Variants in HNRNPUL1 observed in about 807,000 individuals in gnomAD.
The protein encoded by HNRNPUL1 is heterogeneous nuclear ribonucleoprotein U like 1.
A neutral mutation model predicts 108.5 loss-of-function variants in HNRNPUL1; 14 were observed. That is an observed-to-expected ratio of 0.13 (90% CI 0.09 to 0.20). HNRNPUL1 has a LOEUF of 0.20. Among genes scored for constraint, HNRNPUL1 ranks in the 10% least tolerant of loss-of-function variants. The pLI is 1.00. For missense variants in HNRNPUL1, 804 were observed against 1,168.3 expected (o/e 0.69, Z 4.55); for synonymous variants, 422 against 445.2 (o/e 0.95, Z 0.66).
Position 41,272,291 on chromosome 19 carries a change from C to G in HNRNPUL1, c.572+56C>G, listed in dbSNP as rs536043120. ...TCTGGTAGGTTTCTATATCCATAGC[C>G]TCGTGCTTGCTGGGGACATTTGCAC... On this transcript the variant is annotated intron_variant, in intron 3 of 14. Coordinates refer to ENST00000392006, the MANE Select transcript of HNRNPUL1 (RefSeq NM_007040.6). 5.5e-5 allele frequency: 85 copies of G among 1,551,870 alleles called. 1 individual carries two copies. The African/African-American group carries it at 1.1e-3, about 21-fold the overall frequency.
intron 7 of HNRNPUL1, among the ~76,000 whole-genome samples, chr19:41,282,895 C>G (rs1188613293): frequency 1.3e-5 from 2 of 151,166 alleles, no homozygotes; most frequent in Non-Finnish European, 3.0e-5. Flanking sequence ...GGGGTTTCAC[C>G]GTTTTAGCCG....
chr19:41,306,386 G>A lies in HNRNPUL1; in HGVS notation c.2455-63G>A, dbSNP rs1599865305. ...CTCTGCCCTAGGTGAGGGTGGGGCT[G>A]GTGGGGAGGCTAAATGTGTGGTGGA... On this transcript the variant is annotated intron_variant, in intron 14 of 14. Coordinates refer to ENST00000392006, the MANE Select transcript of HNRNPUL1 (RefSeq NM_007040.6). 6.3e-6 allele frequency: 7 copies of A among 1,108,820 alleles called. No homozygotes were observed. The East Asian group carries it at 1.4e-4, about 22-fold the overall frequency. 68.7% of individuals were successfully genotyped at this position (1,108,820 alleles called of 1,614,324 possible).
chr19:41,298,826 A>T (rs1425241712), intron 10 of HNRNPUL1: 3 of 152,026 alleles, frequency 2.0e-5, no homozygotes, highest in Non-Finnish European at 4.4e-5. Context: ...CTGTCCCCTC[A>T]TCAGGACATT....
chr19:41,292,593 C>T lies in HNRNPUL1; in HGVS notation c.1266+82C>T. ...ACACACACACACACACACAGACTTG[C>T]TGCGAGAGTAGCCTTGGGGCAAGTG... On this transcript the variant is annotated intron_variant, in intron 8 of 14. Coordinates refer to ENST00000392006, the MANE Select transcript of HNRNPUL1 (RefSeq NM_007040.6). The surrounding 1 kb of genome is among the most constrained non-coding windows in gnomAD (Gnocchi z 4.1). The T allele has an allele frequency of 6.6e-7, 1 of 1,517,822 alleles. No individual in the cohort carries two copies. Among genetic ancestry groups the T allele is most frequent in the East Asian group, 2.3e-5 (1 of 43,804 alleles). 94.0% of individuals were successfully genotyped at this position (1,517,822 alleles called of 1,614,324 possible). A position where few individuals can be genotyped will look rare whatever the true frequency, so the allele number is the denominator to read the frequency against.
intron 13 of HNRNPUL1, among the ~76,000 whole-genome samples, chr19:41,305,401 T>C (rs541358160): frequency 6.6e-6 from 1 of 152,202 alleles, no homozygotes; most frequent in African/African-American, 2.4e-5. Context: ...AAAAGAAAAC[T>C]GAGATTTCAA....
In HNRNPUL1 at chr19:41,264,439, GTT is replaced by G; in HGVS notation, c.-63_-62del. 1.5e-6 allele frequency: 2 copies of G among 1,303,974 alleles called. No homozygotes were observed. The highest frequency in any genetic ancestry group is 2.0e-6 in the Non-Finnish European group (2 of 1,018,116). 80.8% of individuals were successfully genotyped at this position (1,303,974 alleles called of 1,614,324 possible). ...CCCCCTTCGCCTCCTGACAGGAAAG[GTT>G]TAAGGGGGACAGAGCCCTGGGAGGC... On this transcript the variant is annotated 5_prime_UTR_variant, in exon 1 of 15. Transcript: ENST00000392006.
intron 10 of HNRNPUL1, among the ~76,000 whole-genome samples, chr19:41,297,618 T>C (rs541852599): frequency 6.6e-6 from 1 of 152,166 alleles, no homozygotes; most frequent in Non-Finnish European, 1.5e-5. Context: ...AAGTTGCCTT[T>C]CTGGAGGCTT....
At chr19:41,296,674 G>A (rs554373860) in intron 10 of HNRNPUL1, among the ~76,000 whole-genome samples, 1 of 152,340 alleles carries the variant, frequency 6.6e-6, no homozygotes, top group South Asian at 2.1e-4. Context: ...TTCAGAGCAG[G>A]CCCCTGGCCA....
At chr19:41,295,834 T>C (rs572057289) in intron 10 of HNRNPUL1, among the ~76,000 whole-genome samples, 3 of 152,300 alleles carry the variant, frequency 2.0e-5, no homozygotes, top group Non-Finnish European at 4.4e-5. Context: ...CCGAGTTGCC[T>C]TCACATAGGA....
rs901145364 is a variant in HNRNPUL1 at position 41,302,789 on chromosome 19, C to A, written c.1812C>A (p.Pro604=). The change falls in exon 12 of 15, where the codon CCC becomes CCA. Residue 604 remains proline (P), a synonymous_variant. Transcript: ENST00000392006. ...AGGAAGGCCGCAAGGCTGGGCCACC[C>A]CCTGAAAAGCGCTTTGACAACCGAG... ...YNEEGRKAGP[P]PEKRFDNRGG... 5.6e-6 allele frequency: 9 copies of A among 1,611,302 alleles called. No individual in the cohort carries two copies. The highest frequency in any genetic ancestry group is 7.6e-6 in the Non-Finnish European group (9 of 1,178,006).
chr19:41,283,025 T>C (rs1000762468), intron 7 of HNRNPUL1, among the ~76,000 whole-genome samples: 2 of 152,148 alleles, frequency 1.3e-5, no homozygotes, highest in African/African-American at 4.8e-5. Context: ...GGAAACTTCT[T>C]TGGAGATTTG....
At chr19:41,275,739 G>A (rs2035512808) in intron 4 of HNRNPUL1, among the ~76,000 whole-genome samples, 1 of 152,164 alleles carries the variant, frequency 6.6e-6, no homozygotes, top group African/African-American at 2.4e-5. Flanking sequence ...CCCCCATGAT[G>A]TGTTCACTGT....
At chr19:41,304,772 G>C (rs2037445872) in intron 13 of HNRNPUL1, among the ~76,000 whole-genome samples, 1 of 152,198 alleles carries the variant, frequency 6.6e-6, no homozygotes, top group African/African-American at 2.4e-5. Context: ...GCTCTGGTAT[G>C]CACAGGCTCC....
intron 5 of HNRNPUL1, chr19:41,278,210 A>G (rs1465485307): frequency 6.6e-6 from 1 of 151,792 alleles, no homozygotes; most frequent in Non-Finnish European, 1.5e-5. Context: ...CAGGTGCATG[A>G]CGCCACGCAT....
intron 6 of HNRNPUL1, among the ~76,000 whole-genome samples, chr19:41,280,626 T>C (rs1030581169): frequency 3.3e-5 from 5 of 152,134 alleles, no homozygotes; most frequent in Admixed American, 2.6e-4. Flanking sequence ...CAGCATACTC[T>C]TTGGGTTCTG....
Position 41,301,655 on chromosome 19 carries a change from C to T in HNRNPUL1, c.1638C>T (p.Thr546=), listed in dbSNP as rs771581074. 8.1e-6 allele frequency: 13 copies of T among 1,613,874 alleles called. No homozygotes were observed. Among genetic ancestry groups the T allele is most frequent in the African/African-American group, 1.3e-5 (1 of 74,888 alleles). ...TAAAAGACCGAACAATAAAGCGAAC[C>T]GACGAGGAAGGGAAGGATGTCCCAG... is the stretch of plus-strand genomic sequence containing the variant. ...EDLKDRTIKR[T]DEEGKDVPDH... is the part of the protein sequence containing the mutation. Residue 546 remains threonine, a synonymous_variant, in exon 11 of 15, where the codon ACC becomes ACT. Coordinates refer to ENST00000392006, the MANE Select transcript of HNRNPUL1 (RefSeq NM_007040.6).
intron 13 of HNRNPUL1, 162 bp from the exon 14 acceptor site, chr19:41,305,514 G>A (rs989547242): frequency 1.2e-6 from 1 of 839,714 alleles, no homozygotes; most frequent in African/African-American, 1.7e-5. Context: ...ATGGCATGGA[G>A]CTGGCTCTCC....
chr19:41,264,647 C>G lies in HNRNPUL1; in HGVS notation c.144C>G (p.Leu48=). Residue 48 remains leucine (L), a synonymous_variant, in exon 1 of 15, where the codon CTC becomes CTG. Coordinates refer to ENST00000392006, the MANE Select transcript of HNRNPUL1 (RefSeq NM_007040.6). The part of the protein sequence containing the change: ...EAEEPDDERE[L]DADDEPGRPG... ...AGGAGCCTGACGACGAGCGGGAGCTCGACGCCGACGACGAACCGGGGCGAC... is the reference window on the plus strand; with the variant it reads ...AGGAGCCTGACGACGAGCGGGAGCTGGACGCCGACGACGAACCGGGGCGAC... 6.3e-7 allele frequency: 1 copy of G among 1,584,098 alleles called. No individual in the cohort carries two copies.
chr19:41,279,143 G>A lies in HNRNPUL1; in HGVS notation c.853G>A (p.Gly285Ser). ...TEPDPHVVRI[G>S]WSLDSCSTQL... ...GCCTGACCCCCACGTGGTCCGTATC[G>A]GCTGGTCCCTGGACTCCTGCAGCAC... Residue 285 changes from glycine to serine, a missense_variant, in exon 6 of 15, where the codon GGC becomes AGC. Coordinates refer to ENST00000392006, the MANE Select transcript of HNRNPUL1 (RefSeq NM_007040.6). 1.2e-6 allele frequency: 2 copies of A among 1,613,744 alleles called. No homozygotes were observed. Among genetic ancestry groups the A allele is most frequent in the Non-Finnish European group, 1.7e-6 (2 of 1,179,960 alleles).
Sources: gnomAD v4.1 joint callset for allele counts (sites outside exome capture counted in the v4.1 genomes callset) on GRCh38, gnomAD v4.1.1 for gene constraint, Gnocchi (gnomAD v3.1) non-coding constraint, MANE v1.5 for transcripts, NCBI Gene and HGNC (gene_info 2026-07-23, HGNC 2026-07-21) for gene names.